Variants in DOCK8 observed in about 807,000 individuals in gnomAD.
The protein encoded by DOCK8 is dedicator of cytokinesis 8, also known as dedicator of cytokinesis protein 8.
In DOCK8, 141 loss-of-function variants were observed where a neutral mutation model predicts 245.6. The ratio of observed to expected loss-of-function variants is 0.57; its 90% CI spans 0.50 to 0.66. The LOEUF (loss-of-function observed/expected upper bound fraction) is 0.66, where lower values mean the gene tolerates loss of function less well. DOCK8 is among the 30% of genes least tolerant of loss of function. DOCK8 has a pLI of 0.00. For missense variants in DOCK8, 2,965 were observed against 2,603.4 expected (o/e 1.14, Z -3.02); for synonymous variants, 1,168 against 970.2 (o/e 1.20, Z -3.79).
intron 14 of DOCK8, among the ~76,000 whole-genome samples, chr9:346,772 C>T (rs1346320402): frequency 6.6e-6 from 1 of 152,156 alleles, no homozygotes; most frequent in Non-Finnish European, 1.5e-5. Context: ...ACCTTCTCTT[C>T]TGCGGGGGAA....
chr9:390,513 G>A lies in DOCK8; in HGVS notation c.2917G>A (p.Gly973Arg), dbSNP rs760578276. The change falls in exon 24 of 48, where the codon GGA becomes AGA. Residue 973 changes from glycine (G) to arginine (R), a missense_variant. Coordinates refer to ENST00000432829, the MANE Select transcript of DOCK8 (RefSeq NM_203447.4). ...ELALQMVVST[G>R]MVRETVFKYA... ...TGCCCTTCAGATGGTGGTCAGCACC[G>A]GAATGGTGAGAGAAACAGTCTTCAA... 4 of 1,614,180 alleles carry A rather than the reference G, an allele frequency of 2.5e-6. No individual in the cohort carries two copies. The highest frequency in any genetic ancestry group is 3.4e-6 in the Non-Finnish European group (4 of 1,180,020).
chr9:449,316 C>T (rs1489937370), intron 44 of DOCK8, among the ~76,000 whole-genome samples: 1 of 152,096 alleles, frequency 6.6e-6, no homozygotes, highest in Non-Finnish European at 1.5e-5. Flanking sequence ...TGCCATTGCA[C>T]TCCAGCCTAG....
chr9:319,264 C>CA (rs2050480384), intron 7 of DOCK8, among the ~76,000 whole-genome samples: 1 of 152,180 alleles, frequency 6.6e-6, no homozygotes, highest in Non-Finnish European at 1.5e-5. Flanking sequence ...GCCTGAGTGA[C>CA]AGAGTGAGAC....
At chr9:274,755 T>G (rs1303777838) in intron 2 of DOCK8, among the ~76,000 whole-genome samples, 1 of 152,210 alleles carries the variant, frequency 6.6e-6, no homozygotes, top group Non-Finnish European at 1.5e-5. Flanking sequence ...ATCTAAAGAC[T>G]CTCAACCTAA....
intron 40 of DOCK8, 133 bp downstream of exon 40, chr9:439,521 G>T (rs1274299865): frequency 8.2e-7 from 1 of 1,220,296 alleles, no homozygotes; most frequent in Non-Finnish European, 1.2e-6. Flanking sequence ...TGCGGGGCAG[G>T]GGATGGGCCC....
intron 42 of DOCK8, 27 bp from the exon 43 acceptor site, chr9:443,400 T>C (rs375839515): frequency 6.2e-7 from 1 of 1,601,950 alleles, no homozygotes; most frequent in Non-Finnish European, 8.6e-7. Context: ...AAATAACCTT[T>C]ATAAACTGTT....
intron 4 of DOCK8, among the ~76,000 whole-genome samples, chr9:297,400 G>A (rs1252394932): frequency 6.6e-6 from 1 of 152,154 alleles, no homozygotes; most frequent in African/African-American, 2.4e-5. Context: ...AACGCGCTTG[G>A]TCTTTGGATT....
intron 4 of DOCK8, among the ~76,000 whole-genome samples, chr9:298,618 A>AGT (rs34998339): frequency 0.11 from 16,240 of 145,242 alleles, 1,289 homozygotes; most frequent in African/African-American, 0.24. Flanking sequence ...CACATCTGTA[A>AGT]GTGTGTGTGT....
At chr9:368,733 C>A (rs1305892535) in intron 15 of DOCK8, 1 of 151,406 alleles carries the variant, frequency 6.6e-6, no homozygotes, top group African/African-American at 2.4e-5. Context: ...CTTTTTAAAC[C>A]ATCTCCTACT....
In DOCK8 at chr9:336,712, C is replaced by G. The variant is rs1443199004; in HGVS notation, c.1416C>G (p.Phe472Leu). The G allele has an allele frequency of 5.0e-6, 8 of 1,613,974 alleles. No homozygotes were observed. In the Admixed American group the frequency reaches 1.2e-4, roughly 24 times the overall value. The change falls in exon 12 of 48, where the codon TTC becomes TTG. Residue 472 changes from phenylalanine to leucine, a missense_variant. Physicochemically the swap from Phe to Leu is conservative, Grantham distance 22 (BLOSUM62 0). Transcript: ENST00000432829. ...KTSTLSVSSF[F>L]KQEGDRLSDE... ...CCACTCTGAGCGTTAGCAGCTTTTT[C>G]AAGCAGGTATCTCTTCACATTACAG...
intron 2 of DOCK8, among the ~76,000 whole-genome samples, chr9:281,500 G>C (rs995456782): frequency 3.3e-5 from 5 of 151,712 alleles, no homozygotes; most frequent in Non-Finnish European, 7.4e-5. Context: ...GCCTTGAACC[G>C]ATCTTAGGAA....
intron 1 of DOCK8, among the ~76,000 whole-genome samples, chr9:248,656 G>T (rs1320218088): frequency 6.7e-6 from 1 of 149,634 alleles, no homozygotes; most frequent in Non-Finnish European, 1.5e-5. Flanking sequence ...TAGCTGTCAC[G>T]ACCTAATGAA....
intron 1 of DOCK8, among the ~76,000 whole-genome samples, chr9:226,044 G>A (rs919415847): frequency 6.6e-6 from 1 of 152,104 alleles, no homozygotes; most frequent in Non-Finnish European, 1.5e-5. Context: ...AAAGTGCAAT[G>A]GTGTATTAGT....
Position 426,982 on chromosome 9 carries a change from G to A in DOCK8, c.4338+1G>A. ...GGATATGCAGGAAAACATTATCCAG[G>A]TGAGGAAAACAAACACCCAATCTGA... On this transcript the variant is annotated splice_donor_variant, in intron 34 of 47. Coordinates refer to ENST00000432829, the MANE Select transcript of DOCK8 (RefSeq NM_203447.4). LOFTEE classifies it high-confidence loss of function. 6.2e-7 allele frequency: 1 copy of A among 1,613,358 alleles called. No homozygotes were observed. The highest frequency in any genetic ancestry group is 2.2e-5 in the East Asian group (1 of 44,868).
At chr9:365,498 A>G (rs1187336100) in intron 14 of DOCK8, 6 of 430,088 alleles carry the variant, frequency 1.4e-5, no homozygotes, top group Non-Finnish European at 2.7e-5. Flanking sequence ...TTAGAAGCAT[A>G]TATCATGCTT....
chr9:401,389 CA>C (rs1453682799), intron 26 of DOCK8, among the ~76,000 whole-genome samples: 2 of 152,068 alleles, frequency 1.3e-5, no homozygotes, highest in African/African-American at 4.8e-5. Context: ...GGGGAACTCC[CA>C]GGGGAGAGGA....
intron 1 of DOCK8, among the ~76,000 whole-genome samples, chr9:237,070 G>T (rs148646160): frequency 6.6e-6 from 1 of 152,194 alleles, no homozygotes; most frequent in Non-Finnish European, 1.5e-5. Flanking sequence ...CAAGTCTTTG[G>T]GGGGACAGCT....
chr9:225,840 C>T (rs981272340), intron 1 of DOCK8, among the ~76,000 whole-genome samples: 5 of 151,946 alleles, frequency 3.3e-5, no homozygotes, highest in Admixed American at 2.6e-4. Flanking sequence ...AACCTCTGAG[C>T]CAAGATCAAG....
intron 6 of DOCK8, among the ~76,000 whole-genome samples, chr9:314,068 G>T (rs2050241823): frequency 6.6e-6 from 1 of 152,098 alleles, no homozygotes; most frequent in African/African-American, 2.4e-5. Context: ...ACAAAATGGG[G>T]CCCTAACCCG....
Sources: gnomAD v4.1 joint callset for allele counts (sites outside exome capture counted in the v4.1 genomes callset) on GRCh38, gnomAD v4.1.1 for gene constraint, MANE v1.5 for transcripts, NCBI Gene and HGNC (gene_info 2026-07-23, HGNC 2026-07-21) for gene names.